CSMD1: variants seen among roughly 807,000 people sequenced by gnomAD.
CSMD1 encodes CUB and sushi domain-containing protein 1.
CSMD1 carries 213 observed loss-of-function variants against 417.5 expected under a neutral mutation model. The ratio of observed to expected loss-of-function variants is 0.51; its 90% CI spans 0.46 to 0.57. The LOEUF is 0.57. Ranked by LOEUF, CSMD1 falls within the 20% of genes least tolerant of loss-of-function variation. CSMD1 has a pLI of 0.00. For synonymous variants in CSMD1, 2,862 were observed against 1,736.8 expected, an observed-to-expected ratio of 1.65 and a Z score of -16.11; for missense variants, 6,923 against 4,529.7, an observed-to-expected ratio of 1.53 and a Z score of -15.17.
At chr8:3,054,891 T>A (rs1812113514) in intron 49 of CSMD1, among the ~76,000 whole-genome samples, 3 of 152,118 alleles carry the variant, frequency 2.0e-5, no homozygotes, top group Non-Finnish European at 2.9e-5. Flanking sequence ...ATGTGGAAAA[T>A]ATTCATCTTA....
intron 2 of CSMD1, among the ~76,000 whole-genome samples, chr8:4,433,556 G>T (rs909777498): frequency 6.6e-6 from 1 of 152,162 alleles, no homozygotes; most frequent in South Asian, 2.1e-4. Flanking sequence ...TGTGGAAGCA[G>T]ACATGTGCTG....
At chr8:3,757,582 A>G (rs1487892117) in intron 5 of CSMD1, among the ~76,000 whole-genome samples, 1 of 152,100 alleles carries the variant, frequency 6.6e-6, no homozygotes, top group African/African-American at 2.4e-5. Flanking sequence ...GTAAAAACAG[A>G]CCCGGTGCAG....
At chr8:4,673,057 C>T (rs1393882113) in intron 1 of CSMD1, among the ~76,000 whole-genome samples, 5 of 151,146 alleles carry the variant, frequency 3.3e-5, no homozygotes. Context: ...CACAAACATG[C>T]TGACATGGCA....
intron 5 of CSMD1, among the ~76,000 whole-genome samples, chr8:3,879,800 T>G (rs1450609060): frequency 6.6e-6 from 1 of 151,180 alleles, no homozygotes; most frequent in Non-Finnish European, 1.5e-5. Context: ...ATTTGTCATT[T>G]ATTTCGTGTA....
chr8:3,324,261 C>G (rs1806362988), intron 23 of CSMD1, among the ~76,000 whole-genome samples: 2 of 140,966 alleles, frequency 1.4e-5, no homozygotes, highest in African/African-American at 5.4e-5. Context: ...CCCCACCTTT[C>G]ATCGTTGTTA....
intron 3 of CSMD1, among the ~76,000 whole-genome samples, chr8:4,323,405 G>C (rs943193980): frequency 3.9e-5 from 6 of 152,122 alleles, no homozygotes; most frequent in Non-Finnish European, 7.4e-5. Context: ...TCACAGCCTT[G>C]TTCCATGTCT....
intron 2 of CSMD1, among the ~76,000 whole-genome samples, chr8:4,563,875 G>C (rs1368518038): frequency 6.6e-6 from 1 of 152,106 alleles, no homozygotes; most frequent in Non-Finnish European, 1.5e-5. Flanking sequence ...GAGTTGCGAA[G>C]TAACAAAAGA....
In CSMD1 at chr8:4,444,525, C is replaced by T. The variant is rs955604196; in HGVS notation, c.303-24460G>A. The stretch of plus-strand genomic sequence containing the variant: ...TTTGACAGACAAGTTTTTTTAGCCA[C>T]GGAGAACAATAATGTCCATCTTTTA... On this transcript the variant is annotated intron_variant, in intron 2 of 69. Transcript: ENST00000635120. Among the ~76,000 whole-genome samples, 3 of 152,038 alleles carry T rather than the reference C, an allele frequency of 2.0e-5. 1 individual carries two copies. Among genetic ancestry groups the T allele is most frequent in the South Asian group, 4.2e-4 (2 of 4,816 alleles).
rs11342976 is a variant in CSMD1, at chr8:4,671,345, CT to C, written c.86-33788del. Among the ~76,000 whole-genome samples, 1,307 of 152,192 alleles carry C rather than the reference CT, an allele frequency of 8.6e-3. 15 individuals carry two copies. Among genetic ancestry groups the C allele is most frequent in the African/African-American group, 0.03 (1,255 of 41,536 alleles). ...TCTTGTTTTTTAAACCTAATTGATG[CT>C]GTTTATCTACTTAAAAAAAATTACA... On this transcript the variant is annotated intron_variant, in intron 1 of 69. Coordinates refer to ENST00000635120, the MANE Select transcript of CSMD1 (RefSeq NM_033225.6).
At chr8:3,284,537 T>A in intron 25 of CSMD1, 191 bp from the exon 26 acceptor site, 1 of 590,148 alleles carries the variant, frequency 1.7e-6, no homozygotes, top group Non-Finnish European at 3.0e-6. Flanking sequence ...TAAATTAGGA[T>A]AAAGCACACA....
At chr8:3,796,670 A>G (rs563729401) in intron 5 of CSMD1, among the ~76,000 whole-genome samples, 4 of 150,352 alleles carry the variant, frequency 2.7e-5, no homozygotes, top group South Asian at 2.1e-4. Flanking sequence ...CTATATATCT[A>G]TATGTATACA....
intron 49 of CSMD1, among the ~76,000 whole-genome samples, chr8:3,061,943 G>T (rs13280358): frequency 0.22 from 33,157 of 151,918 alleles, 3,884 homozygotes; most frequent in Non-Finnish European, 0.26. Flanking sequence ...TATCAGAGTA[G>T]CTGATGACGA....
chr8:3,560,985 G>A (rs1408304581), intron 10 of CSMD1, among the ~76,000 whole-genome samples: 7 of 151,980 alleles, frequency 4.6e-5, no homozygotes, highest in African/African-American at 1.7e-4. Flanking sequence ...AAATTACAGT[G>A]ACCACTCATT....
At chr8:4,105,267 C>T (rs1038294697) in intron 3 of CSMD1, among the ~76,000 whole-genome samples, 1 of 152,130 alleles carries the variant, frequency 6.6e-6, no homozygotes, top group African/African-American at 2.4e-5. Context: ...CCGTATTCAA[C>T]TGTAAGGTGG....
At chr8:4,582,270 A>G (rs1325574785) in intron 2 of CSMD1, among the ~76,000 whole-genome samples, 2 of 152,206 alleles carry the variant, frequency 1.3e-5, no homozygotes, top group Non-Finnish European at 2.9e-5. Flanking sequence ...GGTCCCGGAC[A>G]TGATCTTCCG....
chr8:4,733,014 G>A (rs912762856), intron 1 of CSMD1, among the ~76,000 whole-genome samples: 6 of 119,722 alleles, frequency 5.0e-5, no homozygotes, highest in Admixed American at 9.2e-5. Context: ...TCATTTGCAC[G>A]GTTTCTTTGG....
chr8:3,359,090 T>C, intron 21 of CSMD1, 62 bp downstream of exon 21: 2 of 1,549,432 alleles, frequency 1.3e-6, no homozygotes, highest in Admixed American at 1.7e-5. Flanking sequence ...CACCCTAGGC[T>C]TCTTGCCTGG....
chr8:4,234,943 G>C (rs557718085), intron 3 of CSMD1, among the ~76,000 whole-genome samples: 2 of 152,120 alleles, frequency 1.3e-5, no homozygotes, highest in Non-Finnish European at 2.9e-5. Context: ...TGCTAATCTT[G>C]ATTCTAAGGG....
At chr8:3,328,792 A>G (rs1806702474) in intron 23 of CSMD1, among the ~76,000 whole-genome samples, 1 of 152,260 alleles carries the variant, frequency 6.6e-6, no homozygotes, top group South Asian at 2.1e-4. Context: ...AATGTGAAAT[A>G]AATTTTAAAT....
Sources: gnomAD v4.1 joint callset for allele counts (sites outside exome capture counted in the v4.1 genomes callset) on GRCh38, gnomAD v4.1.1 for gene constraint, MANE v1.5 for transcripts, NCBI Gene and HGNC (gene_info 2026-07-23, HGNC 2026-07-21) for gene names.